The following PRELID2 variants were observed in gnomAD, a reference collection of about 807,000 sequenced individuals.
PRELID2 encodes the protein PRELI domain containing 2, also known as PRELI domain-containing protein 2.
Under a neutral mutation model 28.4 loss-of-function variants are expected in PRELID2, and 25 were observed. That is an observed-to-expected ratio of 0.88 (90% CI 0.64 to 1.23). PRELID2 has a LOEUF of 1.23. Ranked by LOEUF, PRELID2 falls within the 50% of genes most tolerant of loss-of-function variation. The pLI is 0.00. For synonymous variants in PRELID2, 76 were observed against 71.6 expected, an observed-to-expected ratio of 1.06 and a Z score of -0.31; for missense variants, 201 against 214.4, an observed-to-expected ratio of 0.94 and a Z score of 0.39.
chr5:145,790,502 T>A (rs1376366136), intron 5 of PRELID2, among the ~76,000 whole-genome samples: 1 of 152,012 alleles, frequency 6.6e-6, no homozygotes, highest in African/African-American at 2.4e-5. Context: ...AAGGAGATGT[T>A]GGCCAAAAGG....
intron 1 of PRELID2, among the ~76,000 whole-genome samples, chr5:145,745,188 G>A (rs368747192): frequency 1.3e-5 from 2 of 151,982 alleles, no homozygotes; most frequent in South Asian, 2.1e-4. Context: ...AATGAACAAA[G>A]CCTCCAAGAA....
intron 1 of PRELID2, among the ~76,000 whole-genome samples, chr5:145,575,267 T>A (rs1274549505): frequency 6.6e-6 from 1 of 152,170 alleles, no homozygotes. Context: ...AGTCAAATGA[T>A]ACAAATCTTT....
rs954540053 is a variant in PRELID2 at position 145,735,159 on chromosome 5, T to C, written n.70+29772A>G. Among the ~76,000 whole-genome samples the C allele has an allele frequency of 1.1e-4, 17 of 151,160 alleles. 1 individual carries two copies. The highest frequency in any genetic ancestry group is 4.1e-4 in the African/African-American group (17 of 41,046). ...ATTCGGGAGGCTGAAGAAGGACAAT[T>C]GCTTGAACCCAGGAGGCAGAAGTTG... On this transcript the variant is annotated intron_variant and non_coding_transcript_variant, in intron 1 of 2. Coordinates refer to the PRELID2 transcript ENST00000510259.
intron 1 of PRELID2, among the ~76,000 whole-genome samples, chr5:145,550,887 G>A (rs1422473677): frequency 6.6e-6 from 1 of 151,976 alleles, no homozygotes; most frequent in Non-Finnish European, 1.5e-5. Context: ...TGCTCTTGGG[G>A]TTGCTATTTA....
chr5:145,667,280 A>T (rs769695863), intron 1 of PRELID2, among the ~76,000 whole-genome samples: 1 of 152,022 alleles, frequency 6.6e-6, no homozygotes. Context: ...TAGGAAACAC[A>T]CTGGCTTTAT....
intron 1 of PRELID2, among the ~76,000 whole-genome samples, chr5:145,531,020 A>G (rs185713621): frequency 6.6e-6 from 1 of 152,310 alleles, no homozygotes; most frequent in African/African-American, 2.4e-5. Flanking sequence ...AATTGGAAGT[A>G]AATTCTTTGA....
chr5:145,297,541 C>T, the PRELID2 span, among the ~76,000 whole-genome samples: 4 of 152,120 alleles, frequency 2.6e-5, no homozygotes, highest in African/African-American at 9.7e-5. Context: ...TGGAAGCATT[C>T]CCTTTGAAAA....
chr5:145,399,663 C>T, the PRELID2 span, among the ~76,000 whole-genome samples: 2 of 152,066 alleles, frequency 1.3e-5, no homozygotes, highest in African/African-American at 4.8e-5. Context: ...TCCCAGGGCT[C>T]CTGCATTAAT....
the PRELID2 span, among the ~76,000 whole-genome samples, chr5:145,368,198 T>C: frequency 0.07 from 10,625 of 152,038 alleles, 1,262 homozygotes; most frequent in African/African-American, 0.24. Flanking sequence ...AACAACTAGT[T>C]CAATGCCTAG....
chr5:145,240,341 A>G, the PRELID2 span, among the ~76,000 whole-genome samples: 1 of 152,064 alleles, frequency 6.6e-6, no homozygotes, highest in African/African-American at 2.4e-5. Flanking sequence ...CCTAGCATTA[A>G]CCAATATTAA....
At chr5:145,360,068 A>T in the PRELID2 span, among the ~76,000 whole-genome samples, 1 of 152,170 alleles carries the variant, frequency 6.6e-6, no homozygotes, top group African/African-American at 2.4e-5. Context: ...TAAGTATCAC[A>T]AAGCTGAAGA....
At chr5:145,555,107 C>A (rs1752869116) in intron 1 of PRELID2, among the ~76,000 whole-genome samples, 1 of 152,168 alleles carries the variant, frequency 6.6e-6, no homozygotes, top group African/African-American at 2.4e-5. Flanking sequence ...TTCAGAAGAT[C>A]CAGAAGGAGC....
chr5:145,498,679 C>T (rs1752328645), intron 1 of PRELID2, among the ~76,000 whole-genome samples: 1 of 152,114 alleles, frequency 6.6e-6, no homozygotes, highest in South Asian at 2.1e-4. Context: ...GAGGCATGCA[C>T]CACCATGCCC....
chr5:145,738,182 G>A (rs756092378), intron 1 of PRELID2, among the ~76,000 whole-genome samples: 5 of 152,202 alleles, frequency 3.3e-5, no homozygotes, highest in African/African-American at 1.2e-4. Flanking sequence ...CAGTAACAAC[G>A]TATTGCCCAC....
At chr5:145,349,705 A>G in the PRELID2 span, among the ~76,000 whole-genome samples, 1 of 152,182 alleles carries the variant, frequency 6.6e-6, no homozygotes, top group East Asian at 1.9e-4. Context: ...ATTAAAGACT[A>G]AAATCCATGG....
chr5:145,462,537 C>T, the PRELID2 span, among the ~76,000 whole-genome samples: 1 of 152,198 alleles, frequency 6.6e-6, no homozygotes, highest in Non-Finnish European at 1.5e-5. Context: ...TTTCAAATGG[C>T]ATGCTGGAAT....
At chr5:145,663,045 T>C (rs1341056832) in intron 1 of PRELID2, among the ~76,000 whole-genome samples, 1 of 152,112 alleles carries the variant, frequency 6.6e-6, no homozygotes, top group Non-Finnish European at 1.5e-5. Flanking sequence ...GGCTTCTGAT[T>C]CTCATGGAAT....
At chr5:145,412,012 C>G in the PRELID2 span, among the ~76,000 whole-genome samples, 2 of 152,184 alleles carry the variant, frequency 1.3e-5, no homozygotes, top group African/African-American at 4.8e-5. Context: ...AGGCTGCACA[C>G]AGCAGGGGGT....
chr5:145,323,210 A>G, the PRELID2 span, among the ~76,000 whole-genome samples: 2 of 152,060 alleles, frequency 1.3e-5, no homozygotes, highest in Admixed American at 1.3e-4. Flanking sequence ...AAAGGGCTTT[A>G]AAGCTAGAAA....
Sources: gnomAD v4.1 joint callset for allele counts (sites outside exome capture counted in the v4.1 genomes callset) on GRCh38, gnomAD v4.1.1 for gene constraint, MANE v1.5 for transcripts, NCBI Gene and HGNC (gene_info 2026-07-23, HGNC 2026-07-21) for gene names.